The following EPHA6 variants were observed in gnomAD, a reference collection of about 807,000 sequenced individuals.
EPHA6 encodes EPH receptor A6.
A neutral mutation model predicts 112.0 loss-of-function variants in EPHA6; 50 were observed. That is an observed-to-expected ratio of 0.45 (90% confidence interval 0.36 to 0.56). EPHA6 has a LOEUF of 0.56. EPHA6 is among the 20% of genes least tolerant of loss of function. The pLI, the probability that EPHA6 is intolerant of heterozygous loss-of-function variation, is 0.00. For missense variants in EPHA6, 1,280 were observed against 1,417.4 expected, an observed-to-expected ratio of 0.90 and a Z score of 1.56; for synonymous variants, 529 against 490.7, an observed-to-expected ratio of 1.08 and a Z score of -1.03.
intron 10 of EPHA6, among the ~76,000 whole-genome samples, chr3:97,490,906 T>C (rs978010355): frequency 3.3e-5 from 5 of 152,046 alleles, no homozygotes; most frequent in Non-Finnish European, 4.4e-5. Context: ...CCAAACTTAT[T>C]TATATAGCTG....
At chr3:96,870,252 G>A (rs1169922355) in intron 2 of EPHA6, among the ~76,000 whole-genome samples, 2 of 152,048 alleles carry the variant, frequency 1.3e-5, no homozygotes, top group African/African-American at 4.8e-5. Flanking sequence ...AGGAAAGTTG[G>A]TGGTGTAATT....
intron 4 of EPHA6, among the ~76,000 whole-genome samples, chr3:97,236,504 A>C (rs941966103): frequency 3.3e-5 from 5 of 152,124 alleles, no homozygotes; most frequent in African/African-American, 1.2e-4. Flanking sequence ...TACGTTGCCT[A>C]CTTAGAAAAG....
At chr3:97,713,109 C>G (rs2034052492) in intron 14 of EPHA6, among the ~76,000 whole-genome samples, 1 of 152,052 alleles carries the variant, frequency 6.6e-6, no homozygotes, top group Admixed American at 6.6e-5. Context: ...GGCAGCAACA[C>G]CGACAGGGCC....
intron 2 of EPHA6, among the ~76,000 whole-genome samples, chr3:96,912,996 G>A (rs1008384607): frequency 3.9e-5 from 6 of 152,002 alleles, no homozygotes; most frequent in African/African-American, 1.4e-4. Flanking sequence ...TGAGGGAGAA[G>A]CAGTGTAAGG....
At chr3:97,251,979 C>T in intron 5 of EPHA6, among the ~76,000 whole-genome samples, 1 of 152,126 alleles carries the variant, frequency 6.6e-6, no homozygotes, top group East Asian at 1.9e-4. Context: ...TAAAATTTAA[C>T]ATTCATCTTT....
At chr3:96,958,656 C>A (rs545894249) in intron 2 of EPHA6, among the ~76,000 whole-genome samples, 4 of 152,240 alleles carry the variant, frequency 2.6e-5, no homozygotes, top group South Asian at 4.1e-4. Context: ...AAGAACTAGA[C>A]AAACGGTAAT....
chr3:97,401,220 G>C (rs2086972150), intron 5 of EPHA6, among the ~76,000 whole-genome samples: 1 of 151,510 alleles, frequency 6.6e-6, no homozygotes, highest in Non-Finnish European at 1.5e-5. Flanking sequence ...GTTAAAAATT[G>C]GTATTAGTTC....
Position 97,006,271 on chromosome 3 carries a change from A to T in EPHA6, c.1114+18278A>T, listed in dbSNP as rs7614814. 8.6e-4 allele frequency among the ~76,000 whole-genome samples: 131 copies of T among 152,268 alleles called. 1 individual carries two copies. Among genetic ancestry groups the T allele is most frequent in the African/African-American group, 3.0e-3 (125 of 41,544 alleles). On this transcript the variant is annotated intron_variant, in intron 3 of 17. Coordinates refer to ENST00000389672, the MANE Select transcript of EPHA6 (RefSeq NM_001080448.3). ...CTGGGCTTTTTTTGGTTGGTAGGCT[A>T]TTAATTACTGCCTCAATTTAAGAGC...
chr3:97,256,432 T>G (rs1296290487), intron 5 of EPHA6, among the ~76,000 whole-genome samples: 1 of 151,908 alleles, frequency 6.6e-6, no homozygotes, highest in Non-Finnish European at 1.5e-5. Flanking sequence ...AAAGTATAAT[T>G]TTAAGGTCAA....
chr3:97,282,614 A>C (rs767454621), intron 5 of EPHA6, among the ~76,000 whole-genome samples: 1 of 152,110 alleles, frequency 6.6e-6, no homozygotes, highest in Admixed American at 6.6e-5. Context: ...AGACTAGATT[A>C]AAAAAATGTG....
chr3:97,066,485 A>C (rs1029202978), intron 3 of EPHA6, among the ~76,000 whole-genome samples: 2 of 152,170 alleles, frequency 1.3e-5, no homozygotes, highest in African/African-American at 2.4e-5. Flanking sequence ...TTAAGGTTTT[A>C]GGAAAACTAG....
At chr3:97,368,851 C>T (rs1311932005) in intron 5 of EPHA6, among the ~76,000 whole-genome samples, 1 of 151,970 alleles carries the variant, frequency 6.6e-6, no homozygotes, top group East Asian at 1.9e-4. Context: ...GTGTTGGAAA[C>T]ATAAGATAAA....
chr3:97,540,721 G>C (rs1181857388), intron 11 of EPHA6, among the ~76,000 whole-genome samples: 1 of 151,754 alleles, frequency 6.6e-6, no homozygotes, highest in East Asian at 1.9e-4. Flanking sequence ...AACAGTAAGA[G>C]CCAAAAAAAG....
intron 2 of EPHA6, among the ~76,000 whole-genome samples, chr3:96,979,245 T>C (rs922473696): frequency 1.5e-5 from 2 of 135,440 alleles, no homozygotes; most frequent in African/African-American, 5.4e-5. Context: ...TGTGTGATGT[T>C]CCCCTTCCTG....
At chr3:96,886,602 ATAGT>A (rs1192026617) in intron 2 of EPHA6, among the ~76,000 whole-genome samples, 3 of 152,122 alleles carry the variant, frequency 2.0e-5, no homozygotes, top group Non-Finnish European at 2.9e-5. Context: ...AAGGCAGCAG[ATAGT>A]TGGTTGGTGA....
chr3:97,019,959 T>G (rs2044396144), intron 3 of EPHA6, among the ~76,000 whole-genome samples: 1 of 152,216 alleles, frequency 6.6e-6, no homozygotes, highest in Admixed American at 6.5e-5. Flanking sequence ...CATATAACTT[T>G]GAAGTTTTTT....
chr3:97,324,519 T>TTCTG (rs1452836051), intron 5 of EPHA6, among the ~76,000 whole-genome samples: 4 of 88,120 alleles, frequency 4.5e-5, no homozygotes. Context: ...TTCTCTTTCT[T>TTCTG]TCTTTCTTTC....
At chr3:97,089,256 T>C (rs779354507) in intron 3 of EPHA6, among the ~76,000 whole-genome samples, 1 of 152,150 alleles carries the variant, frequency 6.6e-6, no homozygotes, top group Non-Finnish European at 1.5e-5. Flanking sequence ...AAAAACTAAA[T>C]AAATTACTAT....
At chr3:97,325,040 T>A (rs987841991) in intron 5 of EPHA6, among the ~76,000 whole-genome samples, 10 of 151,968 alleles carry the variant, frequency 6.6e-5, no homozygotes, top group African/African-American at 2.4e-4. Flanking sequence ...ACTTTGGAGG[T>A]ACGCTGGCTG....
Sources: gnomAD v4.1 joint callset for allele counts (sites outside exome capture counted in the v4.1 genomes callset) on GRCh38, gnomAD v4.1.1 for gene constraint, MANE v1.5 for transcripts, NCBI Gene and HGNC (gene_info 2026-07-23, HGNC 2026-07-21) for gene names.